The following NCKAP5 variants were observed in gnomAD, a reference collection of about 807,000 sequenced individuals.
NCKAP5 encodes the protein nck-associated protein 5.
NCKAP5 carries 92 observed loss-of-function variants against 167.0 expected under a neutral mutation model. That is an observed-to-expected ratio of 0.55 (90% CI 0.47 to 0.66). The LOEUF is 0.66. Ranked by LOEUF, NCKAP5 falls within the 30% of genes least tolerant of loss-of-function variation. The pLI is 0.00. For missense variants in NCKAP5, 2,378 were observed against 2,315.0 expected (o/e 1.03, Z -0.56); for synonymous variants, 891 against 877.4 (o/e 1.02, Z -0.27).
intron 3 of NCKAP5, among the ~76,000 whole-genome samples, chr2:133,490,598 A>G (rs906568179): frequency 6.6e-6 from 1 of 152,172 alleles, no homozygotes; most frequent in Non-Finnish European, 1.5e-5. Context: ...CACTATCTCT[A>G]TTTCTGCACG....
intron 3 of NCKAP5, among the ~76,000 whole-genome samples, chr2:133,344,497 C>T (rs916885157): frequency 6.6e-6 from 1 of 151,472 alleles, no homozygotes; most frequent in Non-Finnish European, 1.5e-5. Context: ...GCACCGAGCA[C>T]AGAGGAAGCA....
At chr2:132,775,587 T>C (rs1682478794) in intron 15 of NCKAP5, among the ~76,000 whole-genome samples, 1 of 152,214 alleles carries the variant, frequency 6.6e-6, no homozygotes, top group Non-Finnish European at 1.5e-5. Flanking sequence ...TAACTGACCG[T>C]GTTCTAGCAG....
At chr2:133,495,455 G>A (rs1027980515) in intron 3 of NCKAP5, among the ~76,000 whole-genome samples, 1 of 122,804 alleles carries the variant, frequency 8.1e-6, no homozygotes, top group Non-Finnish European at 1.8e-5. Context: ...CACAGGGACT[G>A]TGTACAGATC....
intron 6 of NCKAP5, among the ~76,000 whole-genome samples, chr2:133,011,622 A>G (rs11893022): frequency 0.012 from 1,902 of 152,342 alleles, 37 homozygotes; most frequent in African/African-American, 0.042. Context: ...ATGAGTGAAC[A>G]TGGACAGCAA....
chr2:133,184,219 T>C (rs1275122691), intron 5 of NCKAP5, among the ~76,000 whole-genome samples: 1 of 152,176 alleles, frequency 6.6e-6, no homozygotes, highest in African/African-American at 2.4e-5. Context: ...ACACCATATT[T>C]GGTTTTCTGT....
intron 5 of NCKAP5, among the ~76,000 whole-genome samples, chr2:133,212,951 A>G (rs984208285): frequency 3.9e-5 from 6 of 152,340 alleles, no homozygotes; most frequent in Non-Finnish European, 7.3e-5. Flanking sequence ...GGGTATAAAA[A>G]TGTACTACTT....
chr2:133,005,522 G>T (rs956154307), intron 6 of NCKAP5, among the ~76,000 whole-genome samples: 1 of 152,098 alleles, frequency 6.6e-6, no homozygotes, highest in African/African-American at 2.4e-5. Context: ...TCCTTAAAAA[G>T]GTCTTCAAAA....
At chr2:133,636,316 C>T in the NCKAP5 span, among the ~76,000 whole-genome samples, 1 of 152,112 alleles carries the variant, frequency 6.6e-6, no homozygotes, top group South Asian at 2.1e-4. Flanking sequence ...GACAGAGCCA[C>T]AGGAAAGACA....
intron 3 of NCKAP5, among the ~76,000 whole-genome samples, chr2:133,352,324 C>T (rs947432799): frequency 3.9e-5 from 6 of 152,340 alleles, no homozygotes; most frequent in African/African-American, 9.6e-5. Context: ...CTTGCTGTTC[C>T]TCTAGCATCT....
chr2:132,704,247 G>A (rs1688144314), intron 19 of NCKAP5, among the ~76,000 whole-genome samples: 1 of 152,080 alleles, frequency 6.6e-6, no homozygotes, highest in Non-Finnish European at 1.5e-5. Context: ...GGTGAAGTAG[G>A]TATCCGTCTT....
intron 6 of NCKAP5, among the ~76,000 whole-genome samples, chr2:133,044,600 T>C (rs114259834): frequency 0.027 from 4,114 of 152,234 alleles, 79 homozygotes; most frequent in Non-Finnish European, 0.044. Context: ...GATGTGGCAC[T>C]CTGGGAATGT....
intron 6 of NCKAP5, among the ~76,000 whole-genome samples, chr2:133,017,625 G>A (rs912702135): frequency 7.1e-4 from 107 of 151,762 alleles, no homozygotes; most frequent in African/African-American, 2.5e-3. Context: ...AAAAAAAATT[G>A]AACACTTTAA....
At chr2:133,192,729 C>G (rs60453460) in intron 5 of NCKAP5, among the ~76,000 whole-genome samples, 8,172 of 151,828 alleles carry the variant, frequency 0.054, 731 homozygotes, top group African/African-American at 0.19. Flanking sequence ...GAAAGGCTAA[C>G]AAAAAAACAG....
upstream of NCKAP5, among the ~76,000 whole-genome samples, chr2:133,571,479 G>A (rs762077964): frequency 1.3e-5 from 2 of 152,152 alleles, no homozygotes; most frequent in Non-Finnish European, 1.5e-5. Flanking sequence ...CTGCCCGCCT[G>A]CTAGTCCTGC....
the NCKAP5 span, among the ~76,000 whole-genome samples, chr2:133,623,207 A>G: frequency 5.9e-5 from 9 of 152,224 alleles, no homozygotes; most frequent in Non-Finnish European, 8.8e-5. Context: ...TCCAGAAGAT[A>G]ACATCGGAAA....
chr2:133,595,406 G>C, the NCKAP5 span, among the ~76,000 whole-genome samples: 52,757 of 148,928 alleles, frequency 0.35, 10,569 homozygotes, highest in Middle Eastern at 0.54. Context: ...TCTTCTTTTT[G>C]TTCCTCCTCC....
At chr2:133,349,486 G>A (rs893172267) in intron 3 of NCKAP5, among the ~76,000 whole-genome samples, 4 of 152,264 alleles carry the variant, frequency 2.6e-5, no homozygotes, top group South Asian at 2.1e-4. Context: ...TGTCTTCCTC[G>A]ACGGCACTTG....
intron 6 of NCKAP5, among the ~76,000 whole-genome samples, chr2:133,095,736 T>A (rs538264669): frequency 2.6e-5 from 4 of 152,246 alleles, no homozygotes; most frequent in Non-Finnish European, 5.9e-5. Context: ...AATAGAGACA[T>A]AATAGCACAT....
intron 3 of NCKAP5, among the ~76,000 whole-genome samples, chr2:133,513,043 A>G (rs1434659644): frequency 6.6e-6 from 1 of 152,176 alleles, no homozygotes. Flanking sequence ...ATCCCCCTGT[A>G]TCAGCCAGGG....
Sources: allele counts gnomAD v4.1 joint callset (sites outside exome capture counted in the v4.1 genomes callset), GRCh38; gene constraint gnomAD v4.1.1; transcripts MANE v1.5; gene names NCBI Gene and HGNC (gene_info 2026-07-23, HGNC 2026-07-21).